Variants in TBCD observed in about 807,000 individuals in gnomAD.
TBCD encodes the protein tubulin-specific chaperone D.
Under a neutral mutation model 169.3 loss-of-function variants are expected in TBCD, and 105 were observed. The ratio of observed to expected loss-of-function variants is 0.62; its 90% confidence interval spans 0.53 to 0.73. TBCD has a LOEUF of 0.73. Ranked by LOEUF, TBCD falls within the 30% of genes least tolerant of loss-of-function variation. The probability of loss-of-function intolerance (pLI) is 0.00; values close to 1 mark genes in which losing one functional copy is unlikely to be tolerated. For synonymous variants in TBCD, 700 were observed against 643.9 expected, an observed-to-expected ratio of 1.09 and a Z score of -1.32; for missense variants, 1,444 against 1,600.1, an observed-to-expected ratio of 0.90 and a Z score of 1.66.
rs774672020 is a variant in TBCD at position 82,831,772 on chromosome 17, A to G, written c.1318+16838A>G. ...GTGCATGTAAGGGGAAATGGCCCCA[A>G]GCCCCTTTGTAGATGAGATTTTATG... On this transcript the variant is annotated intron_variant, in intron 13 of 38. Transcript: ENST00000355528. The surrounding 1 kb of genome is among the most constrained non-coding windows in gnomAD (Gnocchi z 4.6). The G allele has an allele frequency of 5.6e-6, 9 of 1,614,102 alleles. No homozygotes were observed. Among genetic ancestry groups the G allele is most frequent in the African/African-American group, 5.3e-5 (4 of 74,934 alleles).
At chr17:82,817,517 G>A (rs753722441) in intron 13 of TBCD, among the ~76,000 whole-genome samples, 30 of 152,066 alleles carry the variant, frequency 2.0e-4, no homozygotes, top group Non-Finnish European at 2.9e-4. Context: ...GGCTGGTCTC[G>A]AACTCCTGAG....
At chr17:82,756,489 T>C (rs77408220) in intron 2 of TBCD, among the ~76,000 whole-genome samples, 1 of 152,142 alleles carries the variant, frequency 6.6e-6, no homozygotes, top group African/African-American at 2.4e-5. Context: ...TGTTTTTTTT[T>C]CTTTTTTTTG....
intron 20 of TBCD, among the ~76,000 whole-genome samples, chr17:82,906,636 G>A (rs574137178): frequency 3.5e-4 from 53 of 152,326 alleles, no homozygotes; most frequent in African/African-American, 1.2e-3. Context: ...AAGAACTCCC[G>A]GACTTACCAT....
intron 13 of TBCD, among the ~76,000 whole-genome samples, chr17:82,844,436 G>A (rs866285856): frequency 1.3e-5 from 2 of 152,130 alleles, no homozygotes; most frequent in South Asian, 2.1e-4. Context: ...CCTGTCTCCT[G>A]CCCCAGTGCT....
In TBCD at chr17:82,937,831, C is replaced by T; in HGVS notation, c.3282-218C>T. 3 of 1,473,528 alleles carry T rather than the reference C, an allele frequency of 2.0e-6. No individual in the cohort carries two copies. The South Asian group carries it at 4.0e-5, about 19-fold the overall frequency. The allele number at this position is 1,473,528 out of a possible 1,614,324, so 91.3% of individuals were successfully genotyped here. ...CTGCAGGAGATCCTCTGTGAGGCGT[C>T]CTCACTTCCCACAGTGACTTTCCAA... On this transcript the variant is annotated intron_variant, in intron 35 of 38. Transcript: ENST00000355528.
chr17:82,758,408 TAAATA>T (rs2047554724), intron 2 of TBCD, among the ~76,000 whole-genome samples: 1 of 77,132 alleles, frequency 1.3e-5, no homozygotes, highest in Admixed American at 1.6e-4. Context: ...AAAAAATAAA[TAAATA>T]AATAAATTTT....
intron 15 of TBCD, among the ~76,000 whole-genome samples, chr17:82,888,367 T>A (rs2058897664): frequency 6.6e-6 from 1 of 152,252 alleles, no homozygotes; most frequent in Non-Finnish European, 1.5e-5. Flanking sequence ...GGGCTTGTGC[T>A]TTTCCACATA....
In TBCD at chr17:82,831,107, G is replaced by C; in HGVS notation, c.1318+16173G>C. 6.2e-7 allele frequency: 1 copy of C among 1,614,192 alleles called. No homozygotes were observed. The highest frequency in any genetic ancestry group is 8.5e-7 in the Non-Finnish European group (1 of 1,180,028). On this transcript the variant is annotated intron_variant, in intron 13 of 38. Coordinates refer to ENST00000355528, the MANE Select transcript of TBCD (RefSeq NM_005993.5). The surrounding 1 kb of genome is among the most constrained non-coding windows in gnomAD (Gnocchi z 4.6). Reference sequence around the variant, plus strand: ...ACAGGCCTGAAGGCTGTGAGGCTTTGCTCTGGCGGGTAGAGTCTTCCCAGT... The same window carrying C: ...ACAGGCCTGAAGGCTGTGAGGCTTTCCTCTGGCGGGTAGAGTCTTCCCAGT...
chr17:82,758,803 G>A (rs1175985303), intron 2 of TBCD, among the ~76,000 whole-genome samples: 1 of 151,690 alleles, frequency 6.6e-6, no homozygotes. Context: ...GGGATTACAG[G>A]CGTGTGCTAC....
At chr17:82,940,365 T>A (rs993384266) in intron 37 of TBCD, among the ~76,000 whole-genome samples, 1 of 152,180 alleles carries the variant, frequency 6.6e-6, no homozygotes, top group Non-Finnish European at 1.5e-5. Flanking sequence ...GTCCTGCCTG[T>A]GGATGCTGCT....
rs767938438 is a variant in TBCD, at chr17:82,890,000, G to GGGAC, written c.1563+305_1563+308dup. 1.4e-3 allele frequency among the ~76,000 whole-genome samples: 213 copies of GGGAC among 152,330 alleles called. 1 individual carries two copies. Among genetic ancestry groups the GGGAC allele is most frequent in the South Asian group, 2.9e-3 (14 of 4,830 alleles). ...TCCCTGGGACCAGCCTGGCCTTGCGGGGACGCAGACCTGACCCCGCCTCAT... is the reference window on the plus strand; with the variant it reads ...TCCCTGGGACCAGCCTGGCCTTGCGGGGACGGACGCAGACCTGACCCCGCCTCAT... On this transcript the variant is annotated intron_variant, in intron 16 of 38. Transcript: ENST00000355528. The surrounding 1 kb of genome is among the most constrained non-coding windows in gnomAD (Gnocchi z 5.3).
At position 82,930,182 on chromosome 17, in the gene TBCD, C is replaced by T. The variant is rs912703555; in HGVS notation, c.2992-340C>T. 3.0e-6 allele frequency: 1 copy of T among 335,896 alleles called. No individual in the cohort carries two copies. The highest frequency in any genetic ancestry group is 2.2e-5 in the African/African-American group (1 of 46,442). 20.8% of individuals were successfully genotyped at this position (335,896 alleles called of 1,614,324 possible). A position where few individuals can be genotyped will look rare whatever the true frequency, so the allele number is the denominator to read the frequency against. ...GCGAGCGGGGCCCCGAGACATTCTG[C>T]ACTCGGGAATTGCGGGGATTATCAA... On this transcript the variant is annotated intron_variant, in intron 32 of 38. Coordinates refer to ENST00000355528, the MANE Select transcript of TBCD (RefSeq NM_005993.5). The surrounding 1 kb of genome is among the most constrained non-coding windows in gnomAD (Gnocchi z 5.2).
rs539457901 is a variant in TBCD at position 82,906,044 on chromosome 17, A to G, written c.1913A>G (p.Gln638Arg). Residue 638 changes from glutamine to arginine, a missense_variant, in exon 20 of 39, where the codon CAA (glutamine) becomes CGA (arginine). By Grantham distance (43) the Gln-to-Arg change is conservative. Coordinates refer to ENST00000355528, the MANE Select transcript of TBCD (RefSeq NM_005993.5). Reference protein sequence around the residue: ...VAYALYKLAAQENRPVTDHLD... With the variant: ...VAYALYKLAARENRPVTDHLD... ...TACGCCTTGTACAAACTTGCAGCCC[A>G]AGAGAACAGGTAGGAAGAGTGGGTC... The G allele has an allele frequency of 1.6e-4, 264 of 1,606,392 alleles. 1 individual carries two copies. Among genetic ancestry groups the G allele is most frequent in the Middle Eastern group, 1.3e-3 (8 of 6,054 alleles).
In TBCD at chr17:82,789,011, G is replaced by C. The variant is rs996112300; in HGVS notation, c.771+7290G>C. ...AACAGCACCCTACTGTTTCATTTAG[G>C]GTTCAGTGTGGCCAGAGGAAGATGA... On this transcript the variant is annotated intron_variant, in intron 7 of 38. Transcript: ENST00000355528. The surrounding 1 kb of genome is among the most constrained non-coding windows in gnomAD (Gnocchi z 4.8). 2.0e-5 allele frequency among the ~76,000 whole-genome samples: 3 copies of C among 152,164 alleles called. No individual in the cohort carries two copies. The highest frequency in any genetic ancestry group is 6.5e-5 in the Admixed American group (1 of 15,278).
intron 13 of TBCD, among the ~76,000 whole-genome samples, chr17:82,822,190 G>A (rs752371749): frequency 1.4e-4 from 22 of 152,206 alleles, no homozygotes; most frequent in Non-Finnish European, 2.6e-4. Flanking sequence ...TGCGATTGGC[G>A]CCCACTGCTC....
intron 26 of TBCD, among the ~76,000 whole-genome samples, chr17:82,924,087 G>A (rs776514492): frequency 3.3e-5 from 5 of 152,152 alleles, no homozygotes; most frequent in African/African-American, 4.8e-5. Flanking sequence ...CTGAGTAGGT[G>A]GGACTACAGG....
chr17:82,781,688 G>A lies in TBCD; in HGVS notation c.738G>A (p.Gly246=). 1.2e-6 allele frequency: 2 copies of A among 1,613,844 alleles called. No individual in the cohort carries two copies. Among genetic ancestry groups the A allele is most frequent in the Non-Finnish European group, 1.7e-6 (2 of 1,179,854 alleles). Residue 246 remains glycine, a synonymous_variant, in exon 7 of 39, where the codon GGG becomes GGA. Transcript: ENST00000355528. ...GTTCCTCCTTCCAGACCATGCAGGG[G>A]GTCATCACCATGGATGGGACGCTGC... The part of the protein sequence containing the change: ...LARSSFQTMQ[G]VITMDGTLQA...
At chr17:82,916,671 T>C (rs2061057312) in intron 23 of TBCD, among the ~76,000 whole-genome samples, 1 of 152,238 alleles carries the variant, frequency 6.6e-6, no homozygotes, top group Non-Finnish European at 1.5e-5. Flanking sequence ...ATTACTGTAT[T>C]GGAGACAATC....
chr17:82,894,422 AGCATGCCCGAT>A (rs2059346237), intron 17 of TBCD, among the ~76,000 whole-genome samples: 1 of 152,302 alleles, frequency 6.6e-6, no homozygotes, highest in South Asian at 2.1e-4. Flanking sequence ...TAGGACCAGA[AGCATGCCCGAT>A]GCATTTTTAA....
Sources: gnomAD v4.1 joint callset for allele counts (sites outside exome capture counted in the v4.1 genomes callset) on GRCh38, gnomAD v4.1.1 for gene constraint, Gnocchi (gnomAD v3.1) non-coding constraint, MANE v1.5 for transcripts, NCBI Gene and HGNC (gene_info 2026-07-23, HGNC 2026-07-21) for gene names.